RAD50: variants seen among roughly 807,000 people sequenced by gnomAD.
RAD50 encodes RAD50 double strand break repair protein, also known as DNA repair protein RAD50.
Under a neutral mutation model 168.8 loss-of-function variants are expected in RAD50, and 132 were observed. The observed-to-expected ratio is 0.78, with a 90% CI of 0.68 to 0.90. The LOEUF (loss-of-function observed/expected upper bound fraction) is 0.90. RAD50 is among the 40% of genes least tolerant of loss of function. RAD50 has a pLI of 0.00. For missense variants in RAD50, 1,347 were observed against 1,534.4 expected (o/e 0.88, Z 2.04); for synonymous variants, 525 against 497.4 (o/e 1.06, Z -0.74).
chr5:132,592,991 C>T, intron 11 of RAD50: 1 of 412,480 alleles, frequency 2.4e-6, no homozygotes, highest in Non-Finnish European at 5.2e-6. Context: ...GCTATTGTTT[C>T]TGCTGTTAAT....
Position 132,626,324 on chromosome 5 carries a change from A to G in RAD50, c.3389+8030A>G, listed in dbSNP as rs138205918. ...TTTGCGTAAATATCCAGTAAGTGGG[A>G]TTGCAGAATCATATGGTAGTTCTGT... On this transcript the variant is annotated intron_variant, in intron 21 of 24. Transcript: ENST00000378823. 2.0e-3 allele frequency among the ~76,000 whole-genome samples: 298 copies of G among 152,314 alleles called. 1 individual carries two copies. The highest frequency in any genetic ancestry group is 6.8e-3 in the Middle Eastern group (2 of 294).
At chr5:132,595,472 A>T (rs951315390) in intron 12 of RAD50, 101 bp from the exon 13 acceptor site, 4 of 712,236 alleles carry the variant, frequency 5.6e-6, no homozygotes, top group Non-Finnish European at 6.7e-6. Flanking sequence ...TTTATAAAGC[A>T]AGAATAATCA....
intron 5 of RAD50, among the ~76,000 whole-genome samples, chr5:132,581,122 T>C (rs1313026476): frequency 3.3e-5 from 5 of 152,062 alleles, no homozygotes; most frequent in Non-Finnish European, 5.9e-5. Flanking sequence ...ATTTTTGAGA[T>C]GGAGTTTCAC....
Position 132,577,424 on chromosome 5 carries a change from A to G in RAD50, c.365+1496A>G, listed in dbSNP as rs185428307. Reference sequence around the variant, plus strand: ...ATTCTCTTTTGCTGTGCAATGTAACATTCACAAATTCAAGGGATTAAAATG... The same window carrying G: ...ATTCTCTTTTGCTGTGCAATGTAACGTTCACAAATTCAAGGGATTAAAATG... On this transcript the variant is annotated intron_variant, in intron 3 of 24. Transcript: ENST00000378823. Among the ~76,000 whole-genome samples the G allele has an allele frequency of 4.8e-4, 73 of 152,360 alleles. 2 individuals are homozygous for G. Among genetic ancestry groups the G allele is most frequent in the Middle Eastern group, 3.4e-3 (1 of 294 alleles).
chr5:132,562,372 G>A (rs1331470087), intron 2 of RAD50, among the ~76,000 whole-genome samples: 1 of 152,168 alleles, frequency 6.6e-6, no homozygotes, highest in African/African-American at 2.4e-5. Flanking sequence ...ATCCAGGTGA[G>A]AAATATAGGT....
chr5:132,571,061 C>G (rs1750294838), intron 2 of RAD50, among the ~76,000 whole-genome samples: 1 of 152,052 alleles, frequency 6.6e-6, no homozygotes, highest in Non-Finnish European at 1.5e-5. Flanking sequence ...GCAGTCAGGA[C>G]ACACACGTTA....
chr5:132,603,843 TAA>T, intron 14 of RAD50, 75 bp from the exon 15 acceptor site: 2 of 1,289,200 alleles, frequency 1.6e-6, no homozygotes, highest in South Asian at 1.3e-5. Context: ...AAATAAATGA[TAA>T]GAGCAATTAA....
chr5:132,566,680 C>T (rs1184931612), intron 2 of RAD50, among the ~76,000 whole-genome samples: 1 of 152,228 alleles, frequency 6.6e-6, no homozygotes, highest in African/African-American at 2.4e-5. Flanking sequence ...CTACTTCATG[C>T]AATTCCCCTG....
At chr5:132,634,351 T>C (rs1751533401) in intron 21 of RAD50, among the ~76,000 whole-genome samples, 1 of 152,130 alleles carries the variant, frequency 6.6e-6, no homozygotes, top group African/African-American at 2.4e-5. Context: ...TCCTTTTTTT[T>C]TCTATTGCCT....
Position 132,604,872 on chromosome 5 carries a change from A to G in RAD50, c.2591A>G (p.Lys864Arg). 1 of 1,613,848 alleles carries G rather than the reference A, an allele frequency of 6.2e-7. No homozygotes were observed. The highest frequency in any genetic ancestry group is 1.1e-5 in the South Asian group (1 of 91,056). The change falls in exon 16 of 25, where the codon AAA becomes AGA. Residue 864 changes from lysine (K) to arginine (R), a missense_variant. Around this residue, in one of 3 missense-constraint regions of RAD50, gnomAD observed 635 missense variants for 739.2 expected, o/e 0.86. Coordinates refer to ENST00000378823, the MANE Select transcript of RAD50 (RefSeq NM_005732.4). The part of the protein sequence containing the change: ...QDQQEQIQHL[K>R]STTNELKSEK... The stretch of plus-strand genomic sequence containing the variant: ...CAGCAGGAACAGATTCAACATCTAA[A>G]AAGTACAACAAATGAGCTAAAATCT...
chr5:132,630,278 G>A (rs1291847199), intron 21 of RAD50, among the ~76,000 whole-genome samples: 1 of 152,094 alleles, frequency 6.6e-6, no homozygotes. Context: ...TCTTGACCTT[G>A]TGATCCACCT....
chr5:132,556,993 G>T lies in RAD50; in HGVS notation c.-332G>T. 6 of 824,542 alleles carry T rather than the reference G, an allele frequency of 7.3e-6. No homozygotes were observed. In the South Asian group the frequency reaches 9.0e-5, roughly 12 times the overall value. The allele number at this position is 824,542 out of a possible 1,614,324, so 51.1% of individuals were successfully genotyped here. On this transcript the variant is annotated 5_prime_UTR_variant, in exon 1 of 25. Coordinates refer to ENST00000378823, the MANE Select transcript of RAD50 (RefSeq NM_005732.4). ...TAGAGGCCCACGTGATCCGCAGGGCGGCCGAGGCAGGAAGCTGTGAGTGCG... is the reference window on the plus strand; with the variant it reads ...TAGAGGCCCACGTGATCCGCAGGGCTGCCGAGGCAGGAAGCTGTGAGTGCG...
rs1750003328 is a variant in RAD50 at position 132,556,990 on chromosome 5, G to C, written c.-335G>C. On this transcript the variant is annotated 5_prime_UTR_variant, in exon 1 of 25. Coordinates refer to ENST00000378823, the MANE Select transcript of RAD50 (RefSeq NM_005732.4). Reference sequence around the variant, plus strand: ...GCCTAGAGGCCCACGTGATCCGCAGGGCGGCCGAGGCAGGAAGCTGTGAGT... The same window carrying C: ...GCCTAGAGGCCCACGTGATCCGCAGCGCGGCCGAGGCAGGAAGCTGTGAGT... 4 of 850,102 alleles carry C rather than the reference G, an allele frequency of 4.7e-6. No individual in the cohort carries two copies. The highest frequency in any genetic ancestry group is 6.6e-6 in the Non-Finnish European group (4 of 605,078). The allele number at this position is 850,102 out of a possible 1,614,324, so 52.7% of individuals were successfully genotyped here.
Position 132,628,771 on chromosome 5 carries a change from C to T in RAD50, c.3390-8344C>T, listed in dbSNP as rs181264965. Among the ~76,000 whole-genome samples the T allele has an allele frequency of 3.1e-3, 470 of 151,856 alleles. 4 individuals carry two copies. The highest frequency in any genetic ancestry group is 0.011 in the African/African-American group (457 of 41,410). ...CTGAGGCAGGAGAATCGCCTGAACC[C>T]GGGAGGCGGAGGTTGCAGTGAGCCA... On this transcript the variant is annotated intron_variant, in intron 21 of 24. Coordinates refer to ENST00000378823, the MANE Select transcript of RAD50 (RefSeq NM_005732.4).
chr5:132,620,061 C>T (rs1017329906), intron 21 of RAD50, among the ~76,000 whole-genome samples: 5 of 151,648 alleles, frequency 3.3e-5, no homozygotes, highest in African/African-American at 4.8e-5. Context: ...CCCGCCACTA[C>T]GCCCGGCTAA....
rs2548986 is a variant in RAD50, at chr5:132,557,637, T to G, written c.129+184T>G. Among the ~76,000 whole-genome samples, 565 of 152,276 alleles carry G rather than the reference T, an allele frequency of 3.7e-3. 6 individuals carry two copies. Among genetic ancestry groups the G allele is most frequent in the African/African-American group, 0.013 (547 of 41,524 alleles). On this transcript the variant is annotated intron_variant, in intron 1 of 24. Coordinates refer to ENST00000378823, the MANE Select transcript of RAD50 (RefSeq NM_005732.4). ...CCTTAGGAGTTTGCCTGAAGCAGTC[T>G]CGGAAGGATGTCCGGACCTGGCCTG...
Position 132,643,090 on chromosome 5 carries a change from G to T in RAD50, c.*726G>T. 5.7e-6 allele frequency: 3 copies of T among 529,198 alleles called. No individual in the cohort carries two copies. The highest frequency in any genetic ancestry group is 4.6e-5 in the South Asian group (3 of 64,978). The allele number at this position is 529,198 out of a possible 1,614,324, so 32.8% of individuals were successfully genotyped here. A position where few individuals can be genotyped will look rare whatever the true frequency, so the allele number is the denominator to read the frequency against. ...CCTTTGGAAAGCTCTGACCACTTGA[G>T]GCCTGATCTGCCCATCGTGAAGAAG... is the stretch of plus-strand genomic sequence containing the variant. On this transcript the variant is annotated 3_prime_UTR_variant, in exon 25 of 25. Coordinates refer to ENST00000378823, the MANE Select transcript of RAD50 (RefSeq NM_005732.4).
chr5:132,567,444 G>T (rs529388295), intron 2 of RAD50, among the ~76,000 whole-genome samples: 1 of 152,194 alleles, frequency 6.6e-6, no homozygotes, highest in Non-Finnish European at 1.5e-5. Flanking sequence ...CCAGTAGAGA[G>T]CTGGGCAGAA....
chr5:132,608,764 TA>T (rs1751031118), intron 17 of RAD50, 39 bp downstream of exon 17: 1 of 1,546,078 alleles, frequency 6.5e-7, no homozygotes, highest in Non-Finnish European at 8.7e-7. Context: ...CAAATATCTG[TA>T]TTAAACTTAT....
Sources: allele counts gnomAD v4.1 joint callset (sites outside exome capture counted in the v4.1 genomes callset), GRCh38; gene constraint gnomAD v4.1.1; regional missense constraint gnomAD v4.1.1; transcripts MANE v1.5; gene names NCBI Gene and HGNC (gene_info 2026-07-23, HGNC 2026-07-21).